The following CPNE4 variants were observed in gnomAD, a reference collection of about 807,000 sequenced individuals.
The protein encoded by CPNE4 is copine 4.
In CPNE4, 25 loss-of-function variants were observed where a neutral mutation model predicts 67.9. The ratio of observed to expected loss-of-function variants is 0.37; its 90% CI spans 0.27 to 0.51. The LOEUF (loss-of-function observed/expected upper bound fraction) is 0.51, where lower values mean the gene tolerates loss of function less well. Ranked by LOEUF, CPNE4 falls within the 20% of genes least tolerant of loss-of-function variation. The pLI is 0.93. For synonymous variants in CPNE4, 242 were observed against 244.9 expected (o/e 0.99, Z 0.11); for missense variants, 464 against 690.8 (o/e 0.67, Z 3.68).
intron 2 of CPNE4, among the ~76,000 whole-genome samples, chr3:131,858,413 G>C (rs908193109): frequency 1.3e-5 from 2 of 152,064 alleles, no homozygotes; most frequent in African/African-American, 2.4e-5. Flanking sequence ...GAGAAGCACA[G>C]ATCATCTACA....
At chr3:131,672,882 C>T (rs977059436) in intron 6 of CPNE4, among the ~76,000 whole-genome samples, 11 of 151,950 alleles carry the variant, frequency 7.2e-5, no homozygotes, top group South Asian at 2.1e-4. Flanking sequence ...GTTGCTTGTG[C>T]TTGTGGGGTA....
At chr3:131,792,689 A>ATATATGTATATATACACACGTGTG (rs2083785525) in intron 2 of CPNE4, among the ~76,000 whole-genome samples, 1 of 67,930 alleles carries the variant, frequency 1.5e-5, no homozygotes, top group South Asian at 4.8e-4. Context: ...ACACACGTGT[A>ATATATGTATATATACACACGTGTG]TATATACATA....
intron 2 of CPNE4, among the ~76,000 whole-genome samples, chr3:131,852,184 C>A (rs979233899): frequency 2.0e-5 from 3 of 151,866 alleles, no homozygotes; most frequent in Admixed American, 1.3e-4. Flanking sequence ...TATTAATAGG[C>A]CCTTTTAGAG....
At chr3:131,830,628 T>C (rs1205800801) in intron 2 of CPNE4, among the ~76,000 whole-genome samples, 1 of 152,130 alleles carries the variant, frequency 6.6e-6, no homozygotes, top group Non-Finnish European at 1.5e-5. Context: ...ATCACAACCC[T>C]AATCTCAACA....
intron 2 of CPNE4, among the ~76,000 whole-genome samples, chr3:131,794,836 T>C (rs1490026208): frequency 1.3e-5 from 2 of 152,140 alleles, no homozygotes; most frequent in Non-Finnish European, 2.9e-5. Context: ...TTGTGTGCTA[T>C]AAAAGTGTGC....
chr3:131,654,255 T>G (rs1355140836), intron 7 of CPNE4, among the ~76,000 whole-genome samples: 1 of 152,188 alleles, frequency 6.6e-6, no homozygotes, highest in Non-Finnish European at 1.5e-5. Context: ...TATTGTTTTT[T>G]TTAATCTTTT....
intron 2 of CPNE4, among the ~76,000 whole-genome samples, chr3:131,851,225 G>C (rs936641811): frequency 6.6e-6 from 1 of 152,036 alleles, no homozygotes; most frequent in Admixed American, 6.6e-5. Context: ...TAAGGACCTA[G>C]ACATTATCTA....
chr3:131,649,243 CTT>C (rs1000355016), intron 7 of CPNE4, among the ~76,000 whole-genome samples: 2 of 152,220 alleles, frequency 1.3e-5, no homozygotes, highest in African/African-American at 4.8e-5. Context: ...AGTCAGGTAA[CTT>C]TACAGTCCTG....
intron 1 of CPNE4, among the ~76,000 whole-genome samples, chr3:131,911,647 T>C (rs776523223): frequency 3.3e-5 from 5 of 151,880 alleles, no homozygotes; most frequent in African/African-American, 4.8e-5. Context: ...AGTGCTCATC[T>C]TGGTAATATT....
intron 1 of CPNE4, among the ~76,000 whole-genome samples, chr3:131,940,703 G>A (rs1183545004): frequency 6.6e-6 from 1 of 152,052 alleles, no homozygotes; most frequent in Non-Finnish European, 1.5e-5. Context: ...CCAGTTCTAG[G>A]ATAAGGAAAA....
rs187115734 is a variant in CPNE4, at chr3:131,663,971, C to T, written c.681+5704G>A. On this transcript the variant is annotated intron_variant, in intron 7 of 15. Coordinates refer to ENST00000429747, the MANE Select transcript of CPNE4 (RefSeq NM_130808.3). ...ACATAAGGCATGGGGGCGAATTGAT[C>T]CAGAACAACTGGTGCTATCACCTTA... Among the ~76,000 whole-genome samples, 394 of 152,282 alleles carry T rather than the reference C, an allele frequency of 2.6e-3. 3 individuals carry two copies. Among genetic ancestry groups the T allele is most frequent in the Non-Finnish European group, 4.6e-3 (312 of 68,030 alleles).
chr3:131,734,820 A>G (rs1159802684), intron 2 of CPNE4, among the ~76,000 whole-genome samples: 1 of 152,068 alleles, frequency 6.6e-6, no homozygotes, highest in Non-Finnish European at 1.5e-5. Flanking sequence ...GATCCCAGGG[A>G]GTCGAGGCTG....
At chr3:131,570,339 A>T (rs548655206) in intron 10 of CPNE4, among the ~76,000 whole-genome samples, 13,553 of 149,574 alleles carry the variant, frequency 0.091, 1,246 homozygotes, top group African/African-American at 0.24. Context: ...TTATTTTTTT[A>T]AAATTTTTTA....
intron 2 of CPNE4, among the ~76,000 whole-genome samples, chr3:131,759,340 G>C (rs1027418026): frequency 6.6e-6 from 1 of 152,122 alleles, no homozygotes; most frequent in Non-Finnish European, 1.5e-5. Context: ...ATCCTCATCA[G>C]CCTACTTTAG....
intron 1 of CPNE4, among the ~76,000 whole-genome samples, chr3:131,978,623 T>C (rs1408792010): frequency 7.4e-6 from 1 of 135,644 alleles, no homozygotes; most frequent in African/African-American, 2.8e-5. Flanking sequence ...CTATCAATTT[T>C]ATATCTCTTG....
upstream of CPNE4, among the ~76,000 whole-genome samples, chr3:132,038,374 CT>C (rs1301731446): frequency 6.8e-6 from 1 of 147,200 alleles, no homozygotes; most frequent in Non-Finnish European, 1.5e-5. Context: ...CCTGTGGTGC[CT>C]CTAACATTGG....
At position 131,732,301 on chromosome 3, in the gene CPNE4, C is replaced by T. The variant is rs998792939; in HGVS notation, c.181-8676G>A. The stretch of plus-strand genomic sequence containing the variant: ...GGTTTATTTGGATGTTTTATCCAAT[C>T]AAGCACTCCATTAACTGGCACACTC... On this transcript the variant is annotated intron_variant, in intron 2 of 15. Transcript: ENST00000429747. Among the ~76,000 whole-genome samples the T allele has an allele frequency of 1.8e-4, 27 of 152,206 alleles. 2 individuals are homozygous for T. Among genetic ancestry groups the T allele is most frequent in the Admixed American group, 6.5e-5 (1 of 15,282 alleles).
chr3:131,679,287 T>C (rs1321341133), intron 6 of CPNE4, among the ~76,000 whole-genome samples: 1 of 152,146 alleles, frequency 6.6e-6, no homozygotes, highest in African/African-American at 2.4e-5. Flanking sequence ...ATCCCTCTTA[T>C]TATCTCTGAT....
Position 131,993,379 on chromosome 3 carries a change from C to A in CPNE4, c.-2+41188G>T, listed in dbSNP as rs1432865200. ...CTTGACTAGCATTCTTTTGAAAAAG[C>A]AAAAGATGATCATGGAGAAATATTA... On this transcript the variant is annotated intron_variant, in intron 1 of 15. Transcript: ENST00000429747. Among the ~76,000 whole-genome samples, 9 of 114,112 alleles carry A rather than the reference C, an allele frequency of 7.9e-5. 1 individual carries two copies. The highest frequency in any genetic ancestry group is 2.6e-4 in the African/African-American group (9 of 34,858). 74.9% of individuals were successfully genotyped at this position (114,112 alleles called of 152,430 possible).
Sources: gnomAD v4.1 joint callset for allele counts (sites outside exome capture counted in the v4.1 genomes callset) on GRCh38, gnomAD v4.1.1 for gene constraint, MANE v1.5 for transcripts, NCBI Gene and HGNC (gene_info 2026-07-23, HGNC 2026-07-21) for gene names.